TBC1D12: variants seen among roughly 807,000 people sequenced by gnomAD.
TBC1D12 encodes the protein TBC1 domain family member 12.
In TBC1D12, 56 loss-of-function variants were observed where a neutral mutation model predicts 86.7. The observed-to-expected ratio is 0.65, with a 90% CI of 0.52 to 0.81. TBC1D12 has a LOEUF of 0.81. Ranked by LOEUF, TBC1D12 falls within the 30% of genes least tolerant of loss-of-function variation. The probability of loss-of-function intolerance (pLI) is 0.00; values close to 1 mark genes in which losing one functional copy is unlikely to be tolerated. For synonymous variants in TBC1D12, 421 were observed against 411.7 expected (o/e 1.02, Z -0.27); for missense variants, 1,023 against 1,038.8 (o/e 0.98, Z 0.21).
At chr10:94,487,061 C>T (rs563694303) in intron 3 of TBC1D12, among the ~76,000 whole-genome samples, 20 of 152,116 alleles carry the variant, frequency 1.3e-4, no homozygotes, top group Admixed American at 9.8e-4. Context: ...TATATAATGA[C>T]CTTCTTTGTC....
intron 11 of TBC1D12, among the ~76,000 whole-genome samples, chr10:94,523,911 G>A (rs1842218756): frequency 6.6e-6 from 1 of 152,134 alleles, no homozygotes; most frequent in African/African-American, 2.4e-5. Context: ...TAAGGTTACA[G>A]TGAGCTATGA....
intron 2 of TBC1D12, among the ~76,000 whole-genome samples, chr10:94,442,748 T>C (rs2055399768): frequency 6.6e-6 from 1 of 152,220 alleles, no homozygotes; most frequent in Admixed American, 6.5e-5. Context: ...TCCTTCCCAA[T>C]TGTAGTTTAC....
chr10:94,515,806 A>G (rs2056584870), intron 9 of TBC1D12, among the ~76,000 whole-genome samples: 1 of 152,232 alleles, frequency 6.6e-6, no homozygotes, highest in South Asian at 2.1e-4. Context: ...CAATTATAAC[A>G]CTATTCTAAC....
chr10:94,528,905 A>G (rs1424904397), intron 11 of TBC1D12, among the ~76,000 whole-genome samples: 1 of 152,158 alleles, frequency 6.6e-6, no homozygotes, highest in Non-Finnish European at 1.5e-5. Context: ...ATTCTTAACA[A>G]TTCACAACCA....
At chr10:94,462,743 T>C (rs1191955241) in intron 2 of TBC1D12, among the ~76,000 whole-genome samples, 1 of 152,182 alleles carries the variant, frequency 6.6e-6, no homozygotes, top group East Asian at 1.9e-4. Context: ...GTGATAGAAA[T>C]GTGGATAGTG....
chr10:94,465,867 TATACACATACATGTATGTATATACATAC>T (rs1415588643), intron 2 of TBC1D12, among the ~76,000 whole-genome samples: 2 of 151,238 alleles, frequency 1.3e-5, no homozygotes, highest in South Asian at 2.1e-4. Flanking sequence ...TACATACATA[TATACACATACATGTATGTATATACATAC>T]ATACGCATAT....
chr10:94,452,373 G>A (rs1418064266), intron 2 of TBC1D12, among the ~76,000 whole-genome samples: 3 of 152,030 alleles, frequency 2.0e-5, no homozygotes, highest in East Asian at 1.9e-4. Context: ...GTATAATGAC[G>A]TGTATCTACC....
intron 1 of TBC1D12, among the ~76,000 whole-genome samples, chr10:94,440,500 C>G (rs191022172): frequency 6.6e-6 from 1 of 152,024 alleles, no homozygotes; most frequent in Non-Finnish European, 1.5e-5. Context: ...TATTGATTAG[C>G]CTGCATTCTT....
chr10:94,404,297 C>T (rs534488224), intron 1 of TBC1D12, among the ~76,000 whole-genome samples: 1 of 152,186 alleles, frequency 6.6e-6, no homozygotes, highest in South Asian at 2.1e-4. Context: ...TCCCCAATAA[C>T]TTTAGTTTTT....
At chr10:94,479,136 C>A (rs1406033906) in intron 3 of TBC1D12, among the ~76,000 whole-genome samples, 1 of 152,086 alleles carries the variant, frequency 6.6e-6, no homozygotes, top group Admixed American at 6.5e-5. Flanking sequence ...TAGAGGAATT[C>A]ATTGCAAGGT....
chr10:94,514,755 C>G (rs572481184), intron 9 of TBC1D12, among the ~76,000 whole-genome samples: 1 of 152,008 alleles, frequency 6.6e-6, no homozygotes, highest in Non-Finnish European at 1.5e-5. Context: ...TTTGACATAC[C>G]GATTTCAAGT....
intron 2 of TBC1D12, among the ~76,000 whole-genome samples, chr10:94,459,990 C>T (rs1002910546): frequency 3.3e-5 from 5 of 152,160 alleles, no homozygotes; most frequent in Non-Finnish European, 4.4e-5. Flanking sequence ...GCAGCCAGAG[C>T]GGACACAGAG....
At chr10:94,529,248 T>G (rs1476656069) in intron 11 of TBC1D12, among the ~76,000 whole-genome samples, 1 of 152,130 alleles carries the variant, frequency 6.6e-6, no homozygotes, top group Non-Finnish European at 1.5e-5. Flanking sequence ...ATGCAAGCGA[T>G]CCTCCCACAT....
At chr10:94,429,743 T>A (rs1306981386) in intron 1 of TBC1D12, among the ~76,000 whole-genome samples, 1 of 151,192 alleles carries the variant, frequency 6.6e-6, no homozygotes, top group East Asian at 1.9e-4. Context: ...CCCCTCCACT[T>A]TTTTTTTTGA....
chr10:94,439,089 C>T (rs971363492), intron 1 of TBC1D12, among the ~76,000 whole-genome samples: 1 of 152,142 alleles, frequency 6.6e-6, no homozygotes, highest in Non-Finnish European at 1.5e-5. Flanking sequence ...CAGATGTGAG[C>T]CACCATGCCC....
At chr10:94,405,482 C>CA (rs1419104653) in intron 1 of TBC1D12, among the ~76,000 whole-genome samples, 20 of 152,044 alleles carry the variant, frequency 1.3e-4, no homozygotes. Flanking sequence ...AATATAGTTG[C>CA]AAAAATATAT....
intron 3 of TBC1D12, among the ~76,000 whole-genome samples, chr10:94,475,866 T>C (rs956465251): frequency 4.6e-5 from 7 of 152,222 alleles, no homozygotes; most frequent in Non-Finnish European, 1.5e-5. Context: ...TTAGCTCTTT[T>C]TCTCCTCCTT....
At chr10:94,448,978 G>T (rs1200391573) in intron 2 of TBC1D12, among the ~76,000 whole-genome samples, 1 of 152,156 alleles carries the variant, frequency 6.6e-6, no homozygotes, top group Non-Finnish European at 1.5e-5. Flanking sequence ...CTAAAGATTG[G>T]AGAGGTACTA....
intron 2 of TBC1D12, among the ~76,000 whole-genome samples, chr10:94,445,807 G>A (rs1481149708): frequency 6.6e-6 from 1 of 152,054 alleles, no homozygotes; most frequent in Non-Finnish European, 1.5e-5. Flanking sequence ...AATTAGCTAG[G>A]TGTGGTGGCA....
Sources: gnomAD v4.1 joint callset for allele counts (sites outside exome capture counted in the v4.1 genomes callset) on GRCh38, gnomAD v4.1.1 for gene constraint, MANE v1.5 for transcripts, NCBI Gene and HGNC (gene_info 2026-07-23, HGNC 2026-07-21) for gene names.